TAF7L: variants seen among roughly 807,000 people sequenced by gnomAD.
The protein encoded by TAF7L is transcription initiation factor TFIID subunit 7-like.
TAF7L carries 6 observed loss-of-function variants against 30.2 expected under a neutral mutation model. The ratio of observed to expected loss-of-function variants is 0.20; its 90% CI spans 0.11 to 0.39. The LOEUF is 0.39. TAF7L is among the 10% of genes least tolerant of loss of function. The pLI, the probability that TAF7L is intolerant of heterozygous loss-of-function variation, is 1.00. For missense variants in TAF7L, 284 were observed against 277.1 expected, an observed-to-expected ratio of 1.03 and a Z score of -0.18; for synonymous variants, 93 against 94.5, an observed-to-expected ratio of 0.98 and a Z score of 0.09.
chrX:101,291,373 G>A, upstream of TAF7L: 4 of 635,516 alleles, frequency 6.3e-6, no homozygotes, highest in Non-Finnish European at 7.5e-6. Flanking sequence ...AGCGGCGCGC[G>A]CCGGCCCCTC....
chrX:101,270,772 G>C (rs1923940970), intron 12 of TAF7L, among the ~76,000 whole-genome samples: 1 of 110,992 alleles, frequency 9.0e-6, no homozygotes, highest in Admixed American at 9.7e-5. Flanking sequence ...GAAGCTCCAG[G>C]CTGTCCCCAC....
rs1923863698 is a variant in TAF7L, at chrX:101,268,482, A to G, written c.*711T>C. ...GCTCTAACTGTTCCCTTAGTTGGTG[A>G]ATAACAACCAGCTCCATCCTAAAAA... is the stretch of plus-strand genomic sequence containing the variant. On this transcript the variant is annotated 3_prime_UTR_variant, in exon 13 of 13. Transcript: ENST00000356784. 1 of 111,766 alleles carries G rather than the reference A, an allele frequency of 8.9e-6. No homozygotes were observed. The highest frequency in any genetic ancestry group is 1.9e-5 in the Non-Finnish European group (1 of 53,231). The allele number at this position is 111,766 out of a possible 1,213,427, so 9.2% of individuals were successfully genotyped here. A position where few individuals can be genotyped will look rare whatever the true frequency, so the allele number is the denominator to read the frequency against.
At chrX:101,275,773 A>G (rs1299241708) in intron 11 of TAF7L, among the ~76,000 whole-genome samples, 2 of 111,668 alleles carry the variant, frequency 1.8e-5, no homozygotes, top group African/African-American at 6.5e-5. Context: ...CAATATTGGC[A>G]ATTTTTATCT....
rs1924178341 is a variant in TAF7L at position 101,276,393 on chromosome X, C to T, written c.827G>A (p.Cys276Tyr). 2 of 1,208,072 alleles carry T rather than the reference C, an allele frequency of 1.7e-6. No individual in the cohort carries two copies. Among genetic ancestry groups the T allele is most frequent in the Non-Finnish European group, 2.2e-6 (2 of 894,759 alleles). ...CTGCCTTTCCAGATACTCTTCAGAA[C>T]AATCTTCCTCCTCCTCTTCTTTGTC... ...DEDKEEEEEDCSEEYLERQLQ... is the reference protein window; with the variant it reads ...DEDKEEEEEDYSEEYLERQLQ... Residue 276 changes from cysteine (C) to tyrosine (Y), a missense_variant, in exon 10 of 13, where the codon TGT (cysteine) becomes TAT (tyrosine). Cys to Tyr is a radical substitution (Grantham distance 194). Transcript: ENST00000356784.
At chrX:101,282,633 C>A (rs913632249) in intron 4 of TAF7L, among the ~76,000 whole-genome samples, 180 bp from the exon 5 acceptor site, 8 of 110,421 alleles carry the variant, frequency 7.2e-5, no homozygotes, top group African/African-American at 2.6e-4. Flanking sequence ...TCTCCCTCTC[C>A]TCCCCACCAC....
chrX:101,291,663 G>A (rs999148968), upstream of TAF7L, among the ~76,000 whole-genome samples: 1 of 108,369 alleles, frequency 9.2e-6, no homozygotes, highest in Non-Finnish European at 1.9e-5. Flanking sequence ...TCAAAAGATC[G>A]AGACCATCCT....
At chrX:101,293,059 G>A (rs1331618811), upstream of TAF7L, 2 of 1,208,090 alleles carry the variant, frequency 1.7e-6, no homozygotes, top group Admixed American at 4.4e-5. Flanking sequence ...CCACCTCGTT[G>A]GGGTTGTAAA....
intron 6 of TAF7L, 34 bp downstream of exon 6, chrX:101,281,686 G>T (rs749924567): frequency 8.4e-7 from 1 of 1,189,403 alleles, no homozygotes; most frequent in South Asian, 1.8e-5. Context: ...TCTTCTAATC[G>T]GCCCGGCAGA....
chrX:101,287,609 C>A, intron 1 of TAF7L, 64 bp from the exon 2 acceptor site: 1 of 887,857 alleles, frequency 1.1e-6, no homozygotes, highest in Non-Finnish European at 1.6e-6. Flanking sequence ...TGCTCCCTCT[C>A]CTGACCACTT....
At chrX:101,278,461 A>G (rs980627676) in intron 7 of TAF7L, among the ~76,000 whole-genome samples, 2 of 112,432 alleles carry the variant, frequency 1.8e-5, no homozygotes, top group Non-Finnish European at 3.8e-5. Context: ...GCAAAGAACT[A>G]TAATTCCTTA....
chrX:101,291,409 G>A, upstream of TAF7L: 2 of 364,851 alleles, frequency 5.5e-6, no homozygotes, highest in Non-Finnish European at 7.1e-6. Flanking sequence ...CTCCGCGGCC[G>A]CGCTGCCCAG....
At chrX:101,285,237 T>C (rs1286289308) in intron 3 of TAF7L, among the ~76,000 whole-genome samples, 1 of 111,115 alleles carries the variant, frequency 9.0e-6, no homozygotes, top group African/African-American at 3.3e-5. Context: ...AGCTCACGCC[T>C]GTAATCCCAG....
At chrX:101,293,066 T>C, upstream of TAF7L, 6 of 1,209,031 alleles carry the variant, frequency 5.0e-6, no homozygotes, top group Non-Finnish European at 6.7e-6. Context: ...GTTGGGGTTG[T>C]AAAATGGCTT....
Position 101,276,114 on chromosome X carries a change from TA to T in TAF7L, c.914-3del. The T allele has an allele frequency of 8.4e-7, 1 of 1,183,751 alleles. No homozygotes were observed. Among genetic ancestry groups the T allele is most frequent in the Non-Finnish European group, 1.1e-6 (1 of 879,727 alleles). ...CAATCTGCTTCTGAATTTCCATGAC[TA>T]ATAGAGAAACATAGAACTTTATATA... is the stretch of plus-strand genomic sequence containing the variant. On this transcript the variant is annotated splice_polypyrimidine_tract_variant and splice_region_variant and intron_variant, in intron 10 of 12. Coordinates refer to ENST00000356784, the MANE Select transcript of TAF7L (RefSeq NM_001168474.2).
intron 9 of TAF7L, among the ~76,000 whole-genome samples, chrX:101,276,992 A>G (rs1185832375): frequency 1.0e-4 from 11 of 107,066 alleles, no homozygotes; most frequent in African/African-American, 3.7e-4. Flanking sequence ...AAAGAAAAGA[A>G]AAAAGAAAAA....
chrX:101,285,710 C>T (rs1342130953), intron 3 of TAF7L, among the ~76,000 whole-genome samples: 2 of 108,728 alleles, frequency 1.8e-5, no homozygotes, highest in Admixed American at 1.0e-4. Context: ...TTTTCATGAA[C>T]CTTTTGGCTA....
chrX:101,278,628 T>C (rs188012163), intron 7 of TAF7L, among the ~76,000 whole-genome samples: 33 of 112,331 alleles, frequency 2.9e-4, no homozygotes, highest in African/African-American at 1.0e-3. Context: ...GCAACCAATT[T>C]GTTGTGCCAC....
At position 101,291,328 on chromosome X, in the gene TAF7L, G is replaced by C. The variant is rs1924792210; in HGVS notation, c.-107C>G. The C allele has an allele frequency of 1.3e-6, 1 of 751,611 alleles. No individual in the cohort carries two copies. The allele number at this position is 751,611 out of a possible 1,213,427, so 61.9% of individuals were successfully genotyped here. A position where few individuals can be genotyped will look rare whatever the true frequency, so the allele number is the denominator to read the frequency against. On this transcript the variant is annotated 5_prime_UTR_variant, in exon 1 of 13. Coordinates refer to ENST00000356784, the MANE Select transcript of TAF7L (RefSeq NM_001168474.2). ...CGTGGGCTCCCGCGCGGAACGTAGAGGCGAACGCTGGGCTGCCGGCGCCTG... is the reference window on the plus strand; with the variant it reads ...CGTGGGCTCCCGCGCGGAACGTAGACGCGAACGCTGGGCTGCCGGCGCCTG...
chrX:101,279,073 T>C (rs1479689428), intron 6 of TAF7L, 38 bp from the exon 7 acceptor site: 3 of 1,083,132 alleles, frequency 2.8e-6, no homozygotes, highest in Admixed American at 2.3e-5. Flanking sequence ...TATATTATGA[T>C]ACCTATATTT....
Sources: allele counts gnomAD v4.1 joint callset (sites outside exome capture counted in the v4.1 genomes callset), GRCh38; gene constraint gnomAD v4.1.1; transcripts MANE v1.5; gene names NCBI Gene and HGNC (gene_info 2026-07-23, HGNC 2026-07-21).